Variants in FANCC observed in about 807,000 individuals in gnomAD.
FANCC encodes Fanconi anemia group C protein.
Under a neutral mutation model 71.3 loss-of-function variants are expected in FANCC, and 55 were observed. The observed-to-expected ratio is 0.77, with a 90% CI of 0.62 to 0.97. FANCC has a LOEUF of 0.97. Ranked by LOEUF, FANCC falls within the 50% of genes least tolerant of loss-of-function variation. FANCC has a pLI of 0.00. For missense variants in FANCC, 678 were observed against 670.9 expected (o/e 1.01, Z -0.12); for synonymous variants, 275 against 244.9 (o/e 1.12, Z -1.15).
chr9:95,117,273 C>A, intron 11 of FANCC, 42 bp downstream of exon 11: 7 of 1,571,920 alleles, frequency 4.5e-6, no homozygotes, highest in Non-Finnish European at 6.1e-6. Flanking sequence ...ATGCTCTTCC[C>A]AGGAAATCAT....
chr9:95,282,171 C>G (rs1016688640), intron 1 of FANCC, among the ~76,000 whole-genome samples: 2 of 151,692 alleles, frequency 1.3e-5, no homozygotes, highest in African/African-American at 4.8e-5. Flanking sequence ...AAAGACTTGC[C>G]TCACCTATAA....
chr9:95,264,520 A>G (rs1832266605), intron 1 of FANCC, among the ~76,000 whole-genome samples: 1 of 152,194 alleles, frequency 6.6e-6, no homozygotes, highest in African/African-American at 2.4e-5. Flanking sequence ...TTGGTCTAAA[A>G]CATCTCTAAG....
intron 6 of FANCC, among the ~76,000 whole-genome samples, chr9:95,164,521 G>C (rs1024102919): frequency 2.0e-4 from 30 of 152,054 alleles, no homozygotes; most frequent in African/African-American, 7.0e-4. Context: ...AGTGAGTATT[G>C]AGTTTTGTCA....
intron 1 of FANCC, among the ~76,000 whole-genome samples, chr9:95,291,826 T>C (rs1290077851): frequency 6.6e-6 from 1 of 150,844 alleles, no homozygotes; most frequent in Non-Finnish European, 1.5e-5. Context: ...CAGGCACCTG[T>C]AGTCCCGGTT....
At chr9:95,296,419 T>C (rs1588433473) in intron 1 of FANCC, among the ~76,000 whole-genome samples, 1 of 152,154 alleles carries the variant, frequency 6.6e-6, no homozygotes, top group African/African-American at 2.4e-5. Flanking sequence ...AAAATAAATG[T>C]TGTCTTTAAA....
At chr9:95,153,882 T>A (rs1588189600) in intron 6 of FANCC, among the ~76,000 whole-genome samples, 1 of 152,226 alleles carries the variant, frequency 6.6e-6, no homozygotes, top group East Asian at 1.9e-4. Flanking sequence ...AGAAATTACT[T>A]TCAACCCTAA....
chr9:95,173,712 T>A (rs554461378), intron 4 of FANCC, among the ~76,000 whole-genome samples: 1 of 152,168 alleles, frequency 6.6e-6, no homozygotes, highest in Non-Finnish European at 1.5e-5. Flanking sequence ...GCCCAGGAGT[T>A]CGAGACTAGC....
At chr9:95,157,412 T>C (rs1409332383) in intron 6 of FANCC, among the ~76,000 whole-genome samples, 3 of 152,222 alleles carry the variant, frequency 2.0e-5, no homozygotes, top group Admixed American at 2.0e-4. Flanking sequence ...ACAGAATGTT[T>C]AAATTCTATC....
At chr9:95,237,579 A>C (rs982219179) in intron 4 of FANCC, among the ~76,000 whole-genome samples, 12 of 152,384 alleles carry the variant, frequency 7.9e-5, no homozygotes, top group Admixed American at 7.8e-4. Flanking sequence ...ACTGCCGTGC[A>C]GTAAGCACCA....
At chr9:95,218,468 AAAT>A (rs1312114236) in intron 4 of FANCC, among the ~76,000 whole-genome samples, 7 of 152,196 alleles carry the variant, frequency 4.6e-5, no homozygotes, top group African/African-American at 7.2e-5. Flanking sequence ...TGTCTCAAAA[AAAT>A]AATAATAAGA....
At chr9:95,273,144 T>G (rs1237556791) in intron 1 of FANCC, among the ~76,000 whole-genome samples, 4 of 152,340 alleles carry the variant, frequency 2.6e-5, no homozygotes, top group African/African-American at 9.6e-5. Flanking sequence ...AAAGATGAAA[T>G]GACGTAGGCA....
At chr9:95,242,895 G>C (rs1830720807) in intron 3 of FANCC, among the ~76,000 whole-genome samples, 1 of 152,200 alleles carries the variant, frequency 6.6e-6, no homozygotes, top group East Asian at 1.9e-4. Context: ...CATCCCACAG[G>C]GCATGTTAAG....
chr9:95,119,687 A>G (rs894813539), intron 10 of FANCC, among the ~76,000 whole-genome samples: 2 of 151,438 alleles, frequency 1.3e-5, no homozygotes, highest in African/African-American at 4.9e-5. Flanking sequence ...TCTTAATGAT[A>G]TCTATCAAAG....
intron 1 of FANCC, among the ~76,000 whole-genome samples, chr9:95,299,413 G>C (rs1834586875): frequency 6.6e-6 from 1 of 152,160 alleles, no homozygotes; most frequent in Non-Finnish European, 1.5e-5. Context: ...CTACATTTTA[G>C]TAAAAAGGTT....
At chr9:95,250,726 C>CT (rs1831277908) in intron 1 of FANCC, among the ~76,000 whole-genome samples, 1 of 152,244 alleles carries the variant, frequency 6.6e-6, no homozygotes, top group Non-Finnish European at 1.5e-5. Context: ...TGTGATCCGA[C>CT]TTGACTGCAT....
At chr9:95,208,077 C>CTT (rs58961733) in intron 4 of FANCC, among the ~76,000 whole-genome samples, 1 of 47,656 alleles carries the variant, frequency 2.1e-5, no homozygotes, top group Non-Finnish European at 3.6e-5. Context: ...ATCCAGAAGC[C>CTT]TTTTTTTTTT....
At chr9:95,149,201 A>G (rs1829953761) in intron 7 of FANCC, among the ~76,000 whole-genome samples, 1 of 152,124 alleles carries the variant, frequency 6.6e-6, no homozygotes, top group Non-Finnish European at 1.5e-5. Context: ...TTCAAATATG[A>G]TAAATATTAA....
In FANCC at chr9:95,188,991, T is replaced by C. The variant is rs1034228486; in HGVS notation, c.346-16844A>G. Among the ~76,000 whole-genome samples, 18 of 152,236 alleles carry C rather than the reference T, an allele frequency of 1.2e-4. 1 individual carries two copies. The highest frequency in any genetic ancestry group is 4.1e-4 in the African/African-American group (17 of 41,462). ...TTCATTTACATCTCAGTATATGTAATTTTCTCATGATAGCATATTATTTGT... is the reference window on the plus strand; with the variant it reads ...TTCATTTACATCTCAGTATATGTAACTTTCTCATGATAGCATATTATTTGT... On this transcript the variant is annotated intron_variant, in intron 4 of 14. Coordinates refer to ENST00000289081, the MANE Select transcript of FANCC (RefSeq NM_000136.3).
intron 10 of FANCC, chr9:95,123,456 A>C (rs1005407304): frequency 8.7e-6 from 4 of 461,104 alleles, no homozygotes; most frequent in African/African-American, 8.0e-5. Context: ...CCCGGGCAAC[A>C]TGGTGAAACC....
Sources: gnomAD v4.1 joint callset for allele counts (sites outside exome capture counted in the v4.1 genomes callset) on GRCh38, gnomAD v4.1.1 for gene constraint, MANE v1.5 for transcripts, NCBI Gene and HGNC (gene_info 2026-07-23, HGNC 2026-07-21) for gene names.